The following CD164 variants were observed in gnomAD, a reference collection of about 807,000 sequenced individuals.
CD164 encodes the protein sialomucin core protein 24.
A neutral mutation model predicts 24.6 loss-of-function variants in CD164; 11 were observed. That is an observed-to-expected ratio of 0.45 (90% confidence interval 0.28 to 0.74). CD164 has a LOEUF of 0.74. CD164 is among the 30% of genes least tolerant of loss of function. CD164 has a pLI of 0.13. For missense variants in CD164, 295 were observed against 243.7 expected (o/e 1.21, Z -1.40); for synonymous variants, 126 against 100.3 (o/e 1.26, Z -1.53).
intron 1 of CD164, among the ~76,000 whole-genome samples, chr6:109,381,274 C>A (rs1474323059): frequency 6.6e-6 from 1 of 152,190 alleles, no homozygotes; most frequent in African/African-American, 2.4e-5. Flanking sequence ...TATGCCTTAA[C>A]CAGCCCTATG....
intron 4 of CD164, among the ~76,000 whole-genome samples, chr6:109,373,158 T>A (rs1562238032): frequency 1.3e-5 from 2 of 152,230 alleles, no homozygotes; most frequent in Non-Finnish European, 2.9e-5. Context: ...AGGTTACTTC[T>A]TGCCATTTTT....
At chr6:109,382,144 G>C in intron 1 of CD164, 60 bp downstream of exon 1, 2 of 1,327,496 alleles carry the variant, frequency 1.5e-6, no homozygotes, top group Non-Finnish European at 1.9e-6. Flanking sequence ...CGCACGGCGA[G>C]GAGGCAGTGC....
intron 4 of CD164, among the ~76,000 whole-genome samples, chr6:109,373,733 CCTA>C (rs1474944886): frequency 1.3e-5 from 2 of 152,194 alleles, no homozygotes; most frequent in African/African-American, 2.4e-5. Flanking sequence ...CCTTCAACAT[CCTA>C]CTTAGTCAAT....
chr6:109,370,326 A>T, intron 5 of CD164, 85 bp downstream of exon 5: 4 of 1,112,614 alleles, frequency 3.6e-6, no homozygotes, highest in Non-Finnish European at 4.1e-6. Flanking sequence ...TTAACGAAGA[A>T]AGCTGGAAAA....
At chr6:109,379,359 G>A (rs1421014907) in intron 2 of CD164, among the ~76,000 whole-genome samples, 6 of 152,142 alleles carry the variant, frequency 3.9e-5, no homozygotes, top group Non-Finnish European at 7.3e-5. Flanking sequence ...AAACGACTGA[G>A]CTTTAATTAT....
rs538305155 is a variant in CD164, at chr6:109,382,235, C to T, written c.144G>A (p.Thr48=). Residue 48 remains threonine (T), a synonymous_variant, in exon 1 of 6, where the codon ACG becomes ACA. Coordinates refer to ENST00000310786, the MANE Select transcript of CD164 (RefSeq NM_006016.6). ...PISNVTSAPV[T]SLPLVTTPAP... Reference sequence around the variant, plus strand: ...CCGGAGTGGTGACCAGCGGGAGGGACGTCACCGGCGCCGAGGTTACGTTGG... The same window carrying T: ...CCGGAGTGGTGACCAGCGGGAGGGATGTCACCGGCGCCGAGGTTACGTTGG... 1.9e-6 allele frequency: 3 copies of T among 1,581,892 alleles called. No homozygotes were observed. Among genetic ancestry groups the T allele is most frequent in the South Asian group, 1.1e-5 (1 of 86,990 alleles).
At chr6:109,381,779 A>G (rs940253131) in intron 1 of CD164, 12 of 574,126 alleles carry the variant, frequency 2.1e-5, no homozygotes, top group Admixed American at 1.6e-4. Context: ...GGGAGGGTGA[A>G]CAACCAGTGG....
At chr6:109,377,202 T>G (rs570803041) in intron 3 of CD164, among the ~76,000 whole-genome samples, 2 of 152,344 alleles carry the variant, frequency 1.3e-5, no homozygotes, top group East Asian at 3.9e-4. Flanking sequence ...GATCTAATAC[T>G]AATGAAATGT....
chr6:109,366,529 T>C lies in CD164; in HGVS notation c.*2322A>G, dbSNP rs988346136. 1 of 152,390 alleles carries C rather than the reference T, an allele frequency of 6.6e-6. No individual in the cohort carries two copies. The highest frequency in any genetic ancestry group is 2.4e-5 in the African/African-American group (1 of 41,452). The allele number at this position is 152,390 out of a possible 1,614,324, so 9.4% of individuals were successfully genotyped here. A position where few individuals can be genotyped will look rare whatever the true frequency, so the allele number is the denominator to read the frequency against. On this transcript the variant is annotated 3_prime_UTR_variant, in exon 6 of 6. Transcript: ENST00000310786. The stretch of plus-strand genomic sequence containing the variant: ...TAACACACTATTAATTCAATAAACA[T>C]GTAGATTTATTTTAAGTCAGTTTGG...
chr6:109,378,919 T>C (rs1382564518), intron 2 of CD164, among the ~76,000 whole-genome samples: 1 of 151,838 alleles, frequency 6.6e-6, no homozygotes, highest in African/African-American at 2.4e-5. Flanking sequence ...AACTAGATTG[T>C]TTTACTGATA....
Position 109,368,946 on chromosome 6 carries a change from T to C in CD164, c.499A>G (p.Ile167Val), listed in dbSNP as rs774095422. Residue 167 changes from isoleucine to valine, a missense_variant, in exon 6 of 6, where the codon ATT becomes GTT. By Grantham distance (29) the Ile-to-Val change is conservative. Coordinates refer to ENST00000310786, the MANE Select transcript of CD164 (RefSeq NM_006016.6). ...RKSTFDAASF[I>V]GGIVLVLGVQ... ...CCCAAGACCAGGACAATTCCTCCAA[T>C]GAAACTGGCTGCATCAAAGGTAGAC... 1.7e-5 allele frequency: 27 copies of C among 1,613,818 alleles called. No individual in the cohort carries two copies. Among genetic ancestry groups the C allele is most frequent in the South Asian group, 4.4e-5 (4 of 91,078 alleles).
intron 5 of CD164, among the ~76,000 whole-genome samples, 156 bp from the exon 6 acceptor site, chr6:109,369,173 C>G (rs1350245431): frequency 6.6e-6 from 1 of 152,206 alleles, no homozygotes; most frequent in African/African-American, 2.4e-5. Flanking sequence ...TTGAGGAAGA[C>G]AACCATATCC....
intron 3 of CD164, among the ~76,000 whole-genome samples, chr6:109,377,614 G>A (rs372603747): frequency 2.7e-5 from 4 of 150,234 alleles, no homozygotes; most frequent in Non-Finnish European, 5.9e-5. Context: ...AAACATAGCG[G>A]CTAAACTGTG....
At position 109,379,571 on chromosome 6, in the gene CD164, T is replaced by C. The variant is rs370747405; in HGVS notation, c.259+8A>G. On this transcript the variant is annotated splice_region_variant and intron_variant, in intron 2 of 5. Transcript: ENST00000310786. ...ACAAAACAGTTTTGCATCCCCAAAG[T>C]TTCTTACCTTTACATTCTATCCAAA... 5 of 1,597,876 alleles carry C rather than the reference T, an allele frequency of 3.1e-6. No individual in the cohort carries two copies. The African/African-American group carries it at 6.7e-5, about 22-fold the overall frequency.
At chr6:109,370,690 CTATG>C in intron 4 of CD164, 1 of 452,990 alleles carries the variant, frequency 2.2e-6, no homozygotes, top group East Asian at 4.3e-5. Context: ...TTGTTAATAT[CTATG>C]TATCTATCTT....
chr6:109,375,517 T>A (rs2115158024), intron 4 of CD164, among the ~76,000 whole-genome samples: 1 of 151,008 alleles, frequency 6.6e-6, no homozygotes, highest in South Asian at 2.1e-4. Flanking sequence ...CTCAGGAGGC[T>A]GAGGCAGGAG....
In CD164 at chr6:109,370,105, G is replaced by A. The variant is rs58039045; in HGVS notation, c.427+306C>T. Among the ~76,000 whole-genome samples, 299 of 152,084 alleles carry A rather than the reference G, an allele frequency of 2.0e-3. 5 individuals are homozygous for A. The East Asian group carries it at 0.038, about 19-fold the overall frequency. On this transcript the variant is annotated intron_variant, in intron 5 of 5. Transcript: ENST00000310786. ...ATACAGCACACAACCAATCCCTAAC[G>A]GTAATCAGAAGTTACAAATTAGATT...
intron 5 of CD164, 85 bp downstream of exon 5, chr6:109,370,326 A>AATAAAAAATT (rs1232296055): frequency 2.7e-6 from 3 of 1,112,496 alleles, no homozygotes; most frequent in Non-Finnish European, 4.1e-6. Flanking sequence ...TTAACGAAGA[A>AATAAAAAATT]AGCTGGAAAA....
intron 4 of CD164, chr6:109,371,125 G>GT (rs1378851260): frequency 1.3e-5 from 2 of 152,326 alleles, no homozygotes; most frequent in East Asian, 3.8e-4. Flanking sequence ...TACTATTTGA[G>GT]TTGCCATTAC....
Sources: gnomAD v4.1 joint callset for allele counts (sites outside exome capture counted in the v4.1 genomes callset) on GRCh38, gnomAD v4.1.1 for gene constraint, MANE v1.5 for transcripts, NCBI Gene and HGNC (gene_info 2026-07-23, HGNC 2026-07-21) for gene names.